AHNAK2: variants seen among roughly 807,000 people sequenced by gnomAD.
AHNAK2 encodes AHNAK nucleoprotein 2, also known as protein AHNAK2.
Under a neutral mutation model 30.7 loss-of-function variants are expected in AHNAK2, and 18 were observed. The ratio of observed to expected loss-of-function variants is 0.59; its 90% confidence interval spans 0.41 to 0.87. The LOEUF (loss-of-function observed/expected upper bound fraction) is 0.87. Ranked by LOEUF, AHNAK2 falls within the 40% of genes least tolerant of loss-of-function variation. The pLI is 0.00. For synonymous variants in AHNAK2, 3,590 were observed against 3,073.8 expected, an observed-to-expected ratio of 1.17 and a Z score of -5.56; for missense variants, 8,604 against 7,373.0, an observed-to-expected ratio of 1.17 and a Z score of -6.11.
rs61203074 is a variant in AHNAK2, at chr14:104,949,475, T to G, written c.5976A>C (p.Lys1992Asn). 5.1e-6 allele frequency: 8 copies of G among 1,569,640 alleles called. No individual in the cohort carries two copies. Among genetic ancestry groups the G allele is most frequent in the Middle Eastern group, 1.7e-4 (1 of 5,932 alleles). ...ATACCCCGAACGACGGCATCTTGAA[T>G]TTGGGCATTTTGAACTTGCTGTCTT... The part of the protein sequence containing the change: ...TAKDSKFKMP[K>N]FKMPSFGVSA... Residue 1992 changes from lysine to asparagine, a missense_variant, in exon 7 of 7, where the codon AAA becomes AAC. Physicochemically the swap from Lys to Asn is moderately conservative, Grantham distance 94. Coordinates refer to ENST00000333244, the MANE Select transcript of AHNAK2 (RefSeq NM_138420.4).
chr14:104,948,276 G>A lies in AHNAK2; in HGVS notation c.7175C>T (p.Pro2392Leu), dbSNP rs778113710. 1.8e-5 allele frequency: 29 copies of A among 1,612,314 alleles called. No homozygotes were observed. The highest frequency in any genetic ancestry group is 1.2e-4 in the African/African-American group (9 of 74,380). ...GTGCCCTTTGAGGCCGGCTCCCTCC[G>A]GCACGGGGCCCTCTGGGAGTTTCAC... ...VDVKLPEGPV[P>L]EGAGLKGHLP... Residue 2392 changes from proline to leucine, a missense_variant, in exon 7 of 7, where the codon CCG becomes CTG. Pro to Leu is a moderately conservative substitution (Grantham distance 98). Transcript: ENST00000333244.
intron 1 of AHNAK2, among the ~76,000 whole-genome samples, chr14:104,965,388 C>T (rs1336236586): frequency 3.9e-5 from 2 of 50,670 alleles, no homozygotes; most frequent in African/African-American, 1.8e-4. Flanking sequence ...GCAACAAAAG[C>T]AAAACTCTGT....
rs1212047820 is a variant in AHNAK2 at position 104,944,904 on chromosome 14, A to G, written c.10547T>C (p.Leu3516Pro). ...CTGAATGCTGAGGTCAGTGGCCTTG[A>G]GGTCCCCCTGCATGGAGGAGAGGCT... is the stretch of plus-strand genomic sequence containing the variant. ...DVSLSSMQGD[L>P]KATDLSIQPP... The change falls in exon 7 of 7, where the codon CTC becomes CCC. Residue 3516 changes from leucine (L) to proline (P), a missense_variant. Transcript: ENST00000333244. 1.2e-6 allele frequency: 2 copies of G among 1,612,908 alleles called. No homozygotes were observed. Among genetic ancestry groups the G allele is most frequent in the South Asian group, 2.2e-5 (2 of 91,034 alleles).
chr14:104,978,302 GC>G lies in AHNAK2; in HGVS notation c.-66del. 7.6e-6 allele frequency: 2 copies of G among 262,394 alleles called. No homozygotes were observed. Among genetic ancestry groups the G allele is most frequent in the Non-Finnish European group, 1.3e-5 (2 of 154,474 alleles). 16.3% of individuals were successfully genotyped at this position (262,394 alleles called of 1,614,324 possible). On this transcript the variant is annotated 5_prime_UTR_variant, in exon 1 of 7. Coordinates refer to ENST00000333244, the MANE Select transcript of AHNAK2 (RefSeq NM_138420.4). Reference sequence around the variant, plus strand: ...TCCAGTCGCTGGTCCCGGCTCCGGCGCACGGGGCGGGCGGGCGGGAGCCGCG... The same window carrying G: ...TCCAGTCGCTGGTCCCGGCTCCGGCGACGGGGCGGGCGGGCGGGAGCCGCG...
At chr14:104,958,436 G>A (rs538619872) in intron 1 of AHNAK2, among the ~76,000 whole-genome samples, 161 of 151,582 alleles carry the variant, frequency 1.1e-3, no homozygotes, top group Non-Finnish European at 2.0e-3. Context: ...CAACAAGAGT[G>A]AAACTCCGTC....
Position 104,942,539 on chromosome 14 carries a change from C to A in AHNAK2, c.12912G>T (p.Lys4304Asn). The A allele has an allele frequency of 1.2e-6, 2 of 1,613,298 alleles. No homozygotes were observed. The highest frequency in any genetic ancestry group is 1.7e-6 in the Non-Finnish European group (2 of 1,179,622). Reference protein sequence around the residue: ...KDSKFKMPKFKMPSFGVSAPG... With the variant: ...KDSKFKMPKFNMPSFGVSAPG... The stretch of plus-strand genomic sequence containing the variant: ...GGGCAGACACCCCGAACGACGGCAT[C>A]TTGAACTTGGGCATTTTGAACTTGC... The change falls in exon 7 of 7, where the codon AAG becomes AAT. Residue 4304 changes from lysine (K) to asparagine (N), a missense_variant. Physicochemically the swap from Lys to Asn is moderately conservative, Grantham distance 94 (BLOSUM62 0). Transcript: ENST00000333244.
rs776678150 is a variant in AHNAK2 at position 104,950,755 on chromosome 14, C to G, written c.4696G>C (p.Val1566Leu). The G allele has an allele frequency of 6.3e-6, 10 of 1,586,164 alleles. No homozygotes were observed. In the African/African-American group the frequency reaches 9.5e-5, roughly 15 times the overall value. ...QVDVKLPEGP[V>L]SEGAGLKGHL... is the part of the protein sequence containing the mutation. ...CCTTTGAGGCCGGCTCCCTCGGACA[C>G]AGGGCCCTCTGGGAGTTTCACGTCC... is the stretch of plus-strand genomic sequence containing the variant. Residue 1566 changes from valine (V) to leucine (L), a missense_variant, in exon 7 of 7, where the codon GTG becomes CTG. Physicochemically the swap from Val to Leu is conservative, Grantham distance 32. Transcript: ENST00000333244.
intron 1 of AHNAK2, among the ~76,000 whole-genome samples, chr14:104,960,953 G>T (rs1899117376): frequency 6.6e-6 from 1 of 151,096 alleles, no homozygotes; most frequent in African/African-American, 2.4e-5. Context: ...CCAACATGGT[G>T]AAACCCCTCT....
Position 104,952,331 on chromosome 14 carries a change from G to C in AHNAK2, c.3120C>G (p.Asp1040Glu). 1.2e-6 allele frequency: 2 copies of C among 1,612,280 alleles called. No homozygotes were observed. Among genetic ancestry groups the C allele is most frequent in the Non-Finnish European group, 1.7e-6 (2 of 1,179,490 alleles). The change falls in exon 7 of 7, where the codon GAC (aspartate) becomes GAG (glutamate). Residue 1040 changes from aspartate (D) to glutamate (E), a missense_variant. Physicochemically the swap from Asp to Glu is conservative, Grantham distance 45. Coordinates refer to ENST00000333244, the MANE Select transcript of AHNAK2 (RefSeq NM_138420.4). ...GAATGCTGAGGTCAGTGGTCTTCAG[G>C]TCCCCCTGCATGGAGGGGAGACTCA... is the stretch of plus-strand genomic sequence containing the variant. ...ADLSLPSMQGDLKTTDLSIQP... is the reference protein window; with the variant it reads ...ADLSLPSMQGELKTTDLSIQP...
rs566449715 is a variant in AHNAK2 at position 104,947,626 on chromosome 14, T to G, written c.7825A>C (p.Met2609Leu). Residue 2609 changes from methionine (M) to leucine (L), a missense_variant, in exon 7 of 7, where the codon ATG (methionine) becomes CTG (leucine). Transcript: ENST00000333244. ...KAEVTAPDVE[M>L]SLSSMEVDVQ... ...TCCACCTCCATGCTGGACAGAGACA[T>G]CTCCACATCGGGGGCTGTCACTTCC... 1.2e-6 allele frequency: 2 copies of G among 1,610,358 alleles called. No individual in the cohort carries two copies. The highest frequency in any genetic ancestry group is 2.7e-5 in the African/African-American group (2 of 73,660).
intron 1 of AHNAK2, among the ~76,000 whole-genome samples, chr14:104,963,905 G>A (rs959656861): frequency 4.0e-5 from 6 of 151,334 alleles, no homozygotes; most frequent in Non-Finnish European, 7.4e-5. Context: ...CACCACTAAG[G>A]GCATGAAATG....
chr14:104,958,953 C>T (rs1343422460), intron 1 of AHNAK2, among the ~76,000 whole-genome samples: 3 of 152,126 alleles, frequency 2.0e-5, no homozygotes, highest in South Asian at 2.1e-4. Context: ...ATAGAAGCTA[C>T]GAGAAAGTGG....
In AHNAK2 at chr14:104,947,882, C is replaced by A; in HGVS notation, c.7569G>T (p.Gln2523His). The A allele has an allele frequency of 6.2e-7, 1 of 1,612,038 alleles. No homozygotes were observed. The highest frequency in any genetic ancestry group is 8.5e-7 in the Non-Finnish European group (1 of 1,179,382). Residue 2523 changes from glutamine (Q) to histidine (H), a missense_variant, in exon 7 of 7, where the codon CAG becomes CAT. Coordinates refer to ENST00000333244, the MANE Select transcript of AHNAK2 (RefSeq NM_138420.4). ...TGAGGTCAGTGGCCTTGAGGTCCCC[C>A]TGCATGGAGGAGAGGCTCCCGTCGG... ...VEADGSLSSM[Q>H]GDLKATDLSI...
At position 104,943,857 on chromosome 14, in the gene AHNAK2, C is replaced by T. The variant is rs377500233; in HGVS notation, c.11594G>A (p.Arg3865His). 14 of 1,612,762 alleles carry T rather than the reference C, an allele frequency of 8.7e-6. No individual in the cohort carries two copies. Among genetic ancestry groups the T allele is most frequent in the East Asian group, 2.2e-5 (1 of 44,790 alleles). Residue 3865 changes from arginine (R) to histidine (H), a missense_variant, in exon 7 of 7, where the codon CGC (arginine) becomes CAC (histidine). Coordinates refer to ENST00000333244, the MANE Select transcript of AHNAK2 (RefSeq NM_138420.4). ...CTCCAGGAGTTTCATGTCCACCTGGCGAGCTTGGACCGTCAGGTCGGCAGA... is the reference window on the plus strand; with the variant it reads ...CTCCAGGAGTTTCATGTCCACCTGGTGAGCTTGGACCGTCAGGTCGGCAGA... ...PHSADLTVQA[R>H]QVDMKLLEGH...
chr14:104,974,936 C>A (rs958821749), intron 1 of AHNAK2, among the ~76,000 whole-genome samples: 2 of 152,236 alleles, frequency 1.3e-5, no homozygotes, highest in African/African-American at 4.8e-5. Flanking sequence ...GCCAAGCCAG[C>A]CCCTAGCTGA....
At chr14:104,955,914 G>A (rs910368495) in intron 4 of AHNAK2, among the ~76,000 whole-genome samples, 67 of 152,396 alleles carry the variant, frequency 4.4e-4, no homozygotes, top group African/African-American at 1.5e-3. Context: ...GGCACCAGGA[G>A]CAGCGCAGAA....
chr14:104,963,931 A>G (rs918004325), intron 1 of AHNAK2, among the ~76,000 whole-genome samples: 1 of 152,136 alleles, frequency 6.6e-6, no homozygotes, highest in Admixed American at 6.5e-5. Flanking sequence ...TAGTATAGCC[A>G]TGATAGAAAA....
Position 104,954,226 on chromosome 14 carries a change from G to A in AHNAK2, c.1225C>T (p.Pro409Ser). ...GCTGCCCTGAGTCCCCCTTCCTGAG[G>A]GGTTCCCTCGCAAAGTCTAGGGTCA... ...LGDPRLCEGTPQEGGLRAARL... is the reference protein window; with the variant it reads ...LGDPRLCEGTSQEGGLRAARL... The change falls in exon 7 of 7, where the codon CCT becomes TCT. Residue 409 changes from proline to serine, a missense_variant. Transcript: ENST00000333244. The surrounding 1 kb of genome is among the most constrained non-coding windows in gnomAD (Gnocchi z 4.3). 6.2e-7 allele frequency: 1 copy of A among 1,611,506 alleles called. No individual in the cohort carries two copies. The highest frequency in any genetic ancestry group is 8.5e-7 in the Non-Finnish European group (1 of 1,179,792).
Position 104,946,814 on chromosome 14 carries a change from C to G in AHNAK2, c.8637G>C (p.Val2879=), listed in dbSNP as rs770987788. Residue 2879 remains valine, a synonymous_variant, in exon 7 of 7, where the codon GTG becomes GTC. Transcript: ENST00000333244. ...QLEVQAGQVD[V]KLPEGHVPEG... ...CGGGAACGTGGCCCTCTGGGAGTTT[C>G]ACGTCCACCTGGCCAGCCTGGACCT... 27 of 1,612,538 alleles carry G rather than the reference C, an allele frequency of 1.7e-5. No homozygotes were observed. In the East Asian group the frequency reaches 4.0e-4, roughly 24 times the overall value.
Sources: allele counts gnomAD v4.1 joint callset (sites outside exome capture counted in the v4.1 genomes callset), GRCh38; gene constraint gnomAD v4.1.1; non-coding constraint Gnocchi (gnomAD v3.1); transcripts MANE v1.5; gene names NCBI Gene and HGNC (gene_info 2026-07-23, HGNC 2026-07-21).